Variants in DTX4 observed in about 807,000 individuals in gnomAD.
DTX4 encodes the protein deltex E3 ubiquitin ligase 4.
DTX4 carries 28 observed loss-of-function variants against 57.6 expected under a neutral mutation model. That is an observed-to-expected ratio of 0.49 (90% CI 0.36 to 0.67). The LOEUF (loss-of-function observed/expected upper bound fraction) is 0.67. DTX4 is among the 30% of genes least tolerant of loss of function. The pLI is 0.00. For missense variants in DTX4, 715 were observed against 836.8 expected (o/e 0.85, Z 1.80); for synonymous variants, 316 against 331.0 (o/e 0.95, Z 0.49).
At chr11:59,202,548 A>G (rs190308711) in intron 8 of DTX4, among the ~76,000 whole-genome samples, 1 of 152,134 alleles carries the variant, frequency 6.6e-6, no homozygotes, top group East Asian at 1.9e-4. Flanking sequence ...TATGCCCCCA[A>G]ATCCTTCCCT....
rs759664917 is a variant in DTX4, at chr11:59,182,123, G to C, written c.596G>C (p.Ser199Thr). The C allele has an allele frequency of 2.5e-6, 4 of 1,613,542 alleles. No homozygotes were observed. Among genetic ancestry groups the C allele is most frequent in the Admixed American group, 1.7e-5 (1 of 60,010 alleles). Residue 199 changes from serine (S) to threonine (T), a missense_variant, in exon 2 of 9, where the codon AGT becomes ACT. Transcript: ENST00000227451. ...TGTCCCCAGTGTGTCTTGGTGATGA[G>C]TGTTAAGGCAGCCGTGGTCAATGGC... ...CSCPQCVLVM[S>T]VKAAVVNGST...
chr11:59,189,394 C>A (rs1375122409), intron 4 of DTX4, 71 bp downstream of exon 4: 2 of 1,426,904 alleles, frequency 1.4e-6, no homozygotes, highest in African/African-American at 2.9e-5. Context: ...CTGCCTCAAC[C>A]TCCAAGGGTC....
intron 4 of DTX4, 63 bp from the exon 5 acceptor site, chr11:59,191,051 C>T (rs982461700): frequency 7.7e-5 from 116 of 1,496,918 alleles, no homozygotes; most frequent in African/African-American, 9.7e-5. Flanking sequence ...ATGTCTAGCA[C>T]GACAAGGCTG....
intron 5 of DTX4, among the ~76,000 whole-genome samples, chr11:59,191,782 C>T (rs765038326): frequency 2.0e-5 from 3 of 152,220 alleles, no homozygotes; most frequent in Non-Finnish European, 4.4e-5. Flanking sequence ...TAAAGCTCCT[C>T]AGTGGGCTTG....
chr11:59,182,863 C>T (rs1862484329), intron 2 of DTX4, among the ~76,000 whole-genome samples: 1 of 152,174 alleles, frequency 6.6e-6, no homozygotes, highest in South Asian at 2.1e-4. Context: ...TGGAGGATCT[C>T]TTGAGCCCAG....
At chr11:59,177,597 C>A (rs1395973608) in intron 1 of DTX4, among the ~76,000 whole-genome samples, 1 of 152,184 alleles carries the variant, frequency 6.6e-6, no homozygotes, top group Non-Finnish European at 1.5e-5. Context: ...TCTAACATAT[C>A]TTTCCAGGAT....
chr11:59,189,129 A>G, intron 3 of DTX4, 33 bp from the exon 4 acceptor site: 2 of 1,611,378 alleles, frequency 1.2e-6, no homozygotes, highest in Non-Finnish European at 1.7e-6. Context: ...CTAAGTCTCC[A>G]GTCTTTCCTC....
At chr11:59,180,151 C>T (rs1176770610) in intron 1 of DTX4, among the ~76,000 whole-genome samples, 1 of 152,090 alleles carries the variant, frequency 6.6e-6, no homozygotes, top group African/African-American at 2.4e-5. Flanking sequence ...GATGAGGAAA[C>T]TGAGGCTTAA....
At position 59,207,789 on chromosome 11, in the gene DTX4, T is replaced by C. The variant is rs1041784249; in HGVS notation, c.*2880T>C. ...ATTGGAGACAAACCTCGTCAGATGC[T>C]CATCCCCTAAAAGGTTAATTGTGTA... On this transcript the variant is annotated 3_prime_UTR_variant, in exon 9 of 9. Transcript: ENST00000227451. The C allele has an allele frequency of 6.5e-6, 1 of 152,772 alleles. No homozygotes were observed. Among genetic ancestry groups the C allele is most frequent in the African/African-American group, 2.4e-5 (1 of 41,580 alleles). 9.5% of individuals were successfully genotyped at this position (152,772 alleles called of 1,614,324 possible). A position where few individuals can be genotyped will look rare whatever the true frequency, so the allele number is the denominator to read the frequency against.
intron 6 of DTX4, 96 bp downstream of exon 6, chr11:59,192,346 T>A: frequency 6.9e-7 from 1 of 1,458,976 alleles, no homozygotes; most frequent in Non-Finnish European, 9.5e-7. Flanking sequence ...TCAAGTGATC[T>A]GGGAAGTCTT....
At chr11:59,182,522 A>C in intron 2 of DTX4, 60 bp downstream of exon 2, 1 of 1,474,744 alleles carries the variant, frequency 6.8e-7, no homozygotes, top group Non-Finnish European at 9.0e-7. Context: ...GCTACAGCAG[A>C]TCTTCTGGAT....
At chr11:59,171,510 T>C (rs1316079305), upstream of DTX4, 1 of 152,260 alleles carries the variant, frequency 6.6e-6, no homozygotes. Context: ...AAATCCATCA[T>C]TAGCGAAATT....
At chr11:59,201,777 A>G (rs1252405937) in intron 8 of DTX4, among the ~76,000 whole-genome samples, 2 of 152,228 alleles carry the variant, frequency 1.3e-5, no homozygotes, top group Non-Finnish European at 2.9e-5. Context: ...CTACATCCCA[A>G]CTGTTGGCGA....
chr11:59,178,713 C>G (rs1186282241), intron 1 of DTX4, among the ~76,000 whole-genome samples: 1 of 152,172 alleles, frequency 6.6e-6, no homozygotes, highest in Non-Finnish European at 1.5e-5. Context: ...CTACACAGCT[C>G]AGGCTTCCTG....
intron 2 of DTX4, among the ~76,000 whole-genome samples, chr11:59,188,205 C>G (rs557699966): frequency 6.6e-6 from 1 of 151,838 alleles, no homozygotes; most frequent in East Asian, 1.9e-4. Context: ...GCATAATAAG[C>G]AATAATTTCT....
In DTX4 at chr11:59,206,258, A is replaced by G. The variant is rs1048444; in HGVS notation, c.*1349A>G. 0.6 allele frequency: 90,549 copies of G among 152,142 alleles called. 27,090 individuals carry two copies. The highest frequency in any genetic ancestry group is 0.65 in the Middle Eastern group (190 of 294). The allele number at this position is 152,142 out of a possible 1,614,324, so 9.4% of individuals were successfully genotyped here. A position where few individuals can be genotyped will look rare whatever the true frequency, so the allele number is the denominator to read the frequency against. On this transcript the variant is annotated 3_prime_UTR_variant, in exon 9 of 9. Transcript: ENST00000227451. ...AATCTCTTTAGCTCATTCCTAATGG[A>G]GTTGGGATCACAATATGGTCTGGTC...
In DTX4 at chr11:59,172,733, G is replaced by T. The variant is rs1862343482; in HGVS notation, c.138G>T (p.Leu46=). 6.2e-7 allele frequency: 1 copy of T among 1,605,200 alleles called. No homozygotes were observed. Among genetic ancestry groups the T allele is most frequent in the African/African-American group, 1.3e-5 (1 of 74,560 alleles). The change falls in exon 1 of 9, where the codon CTG becomes CTT. Residue 46 remains leucine, a synonymous_variant. Transcript: ENST00000227451. The part of the protein sequence containing the change: ...AGPRAGGSVV[L]GQVDSRLAPY... ...CCCGCGCGGGGGGCAGCGTGGTGCTGGGCCAGGTGGACAGCCGTCTCGCGC... is the reference window on the plus strand; with the variant it reads ...CCCGCGCGGGGGGCAGCGTGGTGCTTGGCCAGGTGGACAGCCGTCTCGCGC...
At chr11:59,189,373 C>A in intron 4 of DTX4, 50 bp downstream of exon 4, 1 of 1,479,784 alleles carries the variant, frequency 6.8e-7, no homozygotes, top group Non-Finnish European at 9.0e-7. Flanking sequence ...ACTTGGCTGT[C>A]AGCCCTGAGT....
At chr11:59,177,959 C>T (rs535079275) in intron 1 of DTX4, among the ~76,000 whole-genome samples, 3 of 152,218 alleles carry the variant, frequency 2.0e-5, no homozygotes, top group Non-Finnish European at 4.4e-5. Context: ...TACTCACTCT[C>T]TAGTGAAGGG....
Sources: gnomAD v4.1 joint callset for allele counts (sites outside exome capture counted in the v4.1 genomes callset) on GRCh38, gnomAD v4.1.1 for gene constraint, MANE v1.5 for transcripts, NCBI Gene and HGNC (gene_info 2026-07-23, HGNC 2026-07-21) for gene names.